GPC5: variants seen among roughly 807,000 people sequenced by gnomAD.
GPC5 encodes the protein glypican-5.
In GPC5, 47 loss-of-function variants were observed where a neutral mutation model predicts 53.9. The ratio of observed to expected loss-of-function variants is 0.87; its 90% CI spans 0.69 to 1.11. GPC5 has a LOEUF of 1.11. GPC5 is among the 50% of genes most tolerant of loss of function. The pLI is 0.00. For missense variants in GPC5, 748 were observed against 713.1 expected, an observed-to-expected ratio of 1.05 and a Z score of -0.56; for synonymous variants, 286 against 263.3, an observed-to-expected ratio of 1.09 and a Z score of -0.84.
At chr13:91,925,901 T>C (rs2039762754) in intron 6 of GPC5, among the ~76,000 whole-genome samples, 1 of 152,182 alleles carries the variant, frequency 6.6e-6, no homozygotes, top group South Asian at 2.1e-4. Flanking sequence ...TGAGATTACT[T>C]AGTGAAATAT....
chr13:91,951,439 T>C (rs952309965), intron 6 of GPC5, among the ~76,000 whole-genome samples: 3 of 152,262 alleles, frequency 2.0e-5, no homozygotes, highest in Middle Eastern at 3.4e-3. Context: ...GAATTCTAAA[T>C]GGAAAATGCA....
chr13:92,133,655 T>C (rs1243651364), intron 6 of GPC5, among the ~76,000 whole-genome samples: 1 of 152,186 alleles, frequency 6.6e-6, no homozygotes, highest in Non-Finnish European at 1.5e-5. Flanking sequence ...TTGTTTCTTT[T>C]CTATCTTTCA....
At chr13:92,799,989 A>C (rs1443050390) in intron 7 of GPC5, among the ~76,000 whole-genome samples, 1 of 151,840 alleles carries the variant, frequency 6.6e-6, no homozygotes. Context: ...CCTTACTATC[A>C]ATTCCAGTTT....
intron 2 of GPC5, among the ~76,000 whole-genome samples, chr13:91,499,694 G>C (rs993609905): frequency 2.0e-5 from 3 of 152,130 alleles, no homozygotes; most frequent in Non-Finnish European, 4.4e-5. Flanking sequence ...CTTTCATCAG[G>C]TTTGTCCCAT....
intron 7 of GPC5, chr13:92,241,598 A>T (rs1237728155): frequency 1.3e-5 from 2 of 152,210 alleles, no homozygotes; most frequent in East Asian, 1.9e-4. Context: ...GGGATTGGCT[A>T]TGACTACAGC....
intron 7 of GPC5, among the ~76,000 whole-genome samples, chr13:92,554,241 A>G (rs1434308188): frequency 1.3e-5 from 2 of 151,928 alleles, no homozygotes; most frequent in African/African-American, 2.4e-5. Flanking sequence ...GTTACATTTG[A>G]ATCAAAGTAT....
intron 7 of GPC5, among the ~76,000 whole-genome samples, chr13:92,194,627 T>C (rs2042245107): frequency 6.6e-6 from 1 of 152,234 alleles, no homozygotes; most frequent in African/African-American, 2.4e-5. Flanking sequence ...GTGTGTTCTG[T>C]GAATTTGGAA....
chr13:92,602,215 A>G (rs892471830), intron 7 of GPC5, among the ~76,000 whole-genome samples: 3 of 12,270 alleles, frequency 2.4e-4, no homozygotes, highest in African/African-American at 3.6e-4. Flanking sequence ...TATTACATAT[A>G]TATAAATATA....
chr13:92,240,416 A>G (rs2042603099), intron 7 of GPC5: 1 of 152,164 alleles, frequency 6.6e-6, no homozygotes. Context: ...CTACTTGGCA[A>G]TAAAATGTAT....
intron 7 of GPC5, among the ~76,000 whole-genome samples, chr13:92,430,184 G>A (rs1877023591): frequency 6.6e-6 from 1 of 151,932 alleles, no homozygotes; most frequent in Non-Finnish European, 1.5e-5. Context: ...TTTCCATCTT[G>A]CTCATTTACC....
chr13:92,699,065 T>G (rs1369515818), intron 7 of GPC5, among the ~76,000 whole-genome samples: 2 of 152,164 alleles, frequency 1.3e-5, no homozygotes, highest in Non-Finnish European at 2.9e-5. Context: ...TAGACTTTTT[T>G]TTTGGTTGGT....
chr13:92,692,702 C>G (rs1019792882), intron 7 of GPC5, among the ~76,000 whole-genome samples: 2 of 144,176 alleles, frequency 1.4e-5, no homozygotes, highest in East Asian at 4.2e-4. Flanking sequence ...AAAAACAAAA[C>G]AAAACAGTGT....
chr13:92,633,483 A>T (rs1250862983), intron 7 of GPC5, among the ~76,000 whole-genome samples: 2 of 152,180 alleles, frequency 1.3e-5, no homozygotes, highest in African/African-American at 4.8e-5. Flanking sequence ...GAAAAAAGGT[A>T]TATAAAAACC....
At chr13:92,250,445 A>G (rs1043801174) in intron 7 of GPC5, among the ~76,000 whole-genome samples, 1 of 152,122 alleles carries the variant, frequency 6.6e-6, no homozygotes, top group Non-Finnish European at 1.5e-5. Context: ...TCAAGCATAC[A>G]GTGCTCTTTT....
intron 7 of GPC5, among the ~76,000 whole-genome samples, chr13:92,831,382 T>C (rs1259192841): frequency 2.0e-5 from 3 of 152,136 alleles, no homozygotes; most frequent in Non-Finnish European, 2.9e-5. Context: ...ATTTAAATCA[T>C]ATTTCTTGTT....
intron 6 of GPC5, among the ~76,000 whole-genome samples, chr13:92,112,801 C>A (rs1195057942): frequency 3.3e-5 from 5 of 151,912 alleles, no homozygotes; most frequent in African/African-American, 1.2e-4. Flanking sequence ...GTTGAAAAGC[C>A]AGTAGGGAAA....
chr13:92,253,671 A>T (rs1383058578), intron 7 of GPC5, among the ~76,000 whole-genome samples: 5 of 152,084 alleles, frequency 3.3e-5, no homozygotes, highest in Non-Finnish European at 7.4e-5. Flanking sequence ...CATGAAGTGG[A>T]TTTTTAATTA....
intron 5 of GPC5, among the ~76,000 whole-genome samples, chr13:91,759,808 A>G (rs577969938): frequency 2.0e-5 from 3 of 152,220 alleles, no homozygotes; most frequent in African/African-American, 7.2e-5. Context: ...AGTCAAATTG[A>G]TACATATTTA....
intron 5 of GPC5, among the ~76,000 whole-genome samples, chr13:91,830,971 A>T (rs2038649150): frequency 7.3e-6 from 1 of 136,714 alleles, no homozygotes; most frequent in Non-Finnish European, 1.5e-5. Context: ...CCTATTATAT[A>T]TTATATATCC....
Sources: allele counts gnomAD v4.1 joint callset (sites outside exome capture counted in the v4.1 genomes callset), GRCh38; gene constraint gnomAD v4.1.1; transcripts MANE v1.5; gene names NCBI Gene and HGNC (gene_info 2026-07-23, HGNC 2026-07-21).